CHCHD6: variants seen among roughly 807,000 people sequenced by gnomAD.
CHCHD6 encodes MICOS complex subunit MIC25.
Under a neutral mutation model 32.3 loss-of-function variants are expected in CHCHD6, and 28 were observed. The ratio of observed to expected loss-of-function variants is 0.87; its 90% CI spans 0.64 to 1.19. The LOEUF (loss-of-function observed/expected upper bound fraction) is 1.19, where lower values mean the gene tolerates loss of function less well. Among genes scored for constraint, CHCHD6 ranks in the 50% most tolerant of loss-of-function variants. The pLI, the probability that CHCHD6 is intolerant of heterozygous loss-of-function variation, is 0.00. For synonymous variants in CHCHD6, 122 were observed against 117.5 expected (o/e 1.04, Z -0.25); for missense variants, 333 against 307.0 (o/e 1.08, Z -0.63).
chr3:126,811,204 A>G (rs1473916865), intron 4 of CHCHD6, among the ~76,000 whole-genome samples: 2 of 152,192 alleles, frequency 1.3e-5, no homozygotes, highest in African/African-American at 4.8e-5. Context: ...ATTCCCATCA[A>G]GAGCTAACAA....
intron 4 of CHCHD6, among the ~76,000 whole-genome samples, chr3:126,756,088 C>T (rs1576377257): frequency 6.6e-6 from 1 of 152,124 alleles, no homozygotes; most frequent in Non-Finnish European, 1.5e-5. Flanking sequence ...TCTGTAGGTA[C>T]TGGTGCTAGA....
intron 5 of CHCHD6, among the ~76,000 whole-genome samples, chr3:126,885,444 A>G (rs2077666438): frequency 6.6e-6 from 1 of 152,188 alleles, no homozygotes; most frequent in African/African-American, 2.4e-5. Context: ...GTAGCTGCAC[A>G]CTGGCCTGCA....
chr3:126,830,820 G>A (rs9833429), intron 4 of CHCHD6, among the ~76,000 whole-genome samples: 1 of 152,210 alleles, frequency 6.6e-6, no homozygotes, highest in Non-Finnish European at 1.5e-5. Context: ...ACAGCATCCA[G>A]ATCCCTGACC....
At position 126,957,787 on chromosome 3, in the gene CHCHD6, G is replaced by T. The variant is rs1037899235; in HGVS notation, c.702+236G>T. 5.6e-5 allele frequency: 34 copies of T among 604,124 alleles called. No homozygotes were observed. The Admixed American group carries it at 8.8e-4, about 16-fold the overall frequency. 37.4% of individuals were successfully genotyped at this position (604,124 alleles called of 1,614,324 possible). A position where few individuals can be genotyped will look rare whatever the true frequency, so the allele number is the denominator to read the frequency against. On this transcript the variant is annotated intron_variant, in intron 7 of 7. Coordinates refer to ENST00000290913, the MANE Select transcript of CHCHD6 (RefSeq NM_032343.3). ...GCCCCAGGGAGATGATCCCTGTTGC[G>T]TTTGCCCTATTAGGCTGGGTGGGAG...
intron 5 of CHCHD6, among the ~76,000 whole-genome samples, chr3:126,883,120 A>T (rs1270579086): frequency 1.3e-5 from 2 of 152,194 alleles, no homozygotes; most frequent in African/African-American, 4.8e-5. Context: ...GAACACTTGG[A>T]GGTTCCTGGA....
intron 4 of CHCHD6, among the ~76,000 whole-genome samples, chr3:126,750,237 C>G (rs1936673868): frequency 6.6e-6 from 1 of 152,186 alleles, no homozygotes; most frequent in African/African-American, 2.4e-5. Context: ...TTCTGGGGAC[C>G]AAGCAGGGAA....
chr3:126,953,698 A>G (rs1283027401), intron 6 of CHCHD6, among the ~76,000 whole-genome samples: 1 of 152,238 alleles, frequency 6.6e-6, no homozygotes, highest in African/African-American at 2.4e-5. Flanking sequence ...ATGCCTGTGC[A>G]AACAGACACC....
At chr3:126,854,622 C>T (rs1238146848) in intron 5 of CHCHD6, among the ~76,000 whole-genome samples, 8 of 152,166 alleles carry the variant, frequency 5.3e-5, no homozygotes, top group Non-Finnish European at 8.8e-5. Context: ...GTTGAATACT[C>T]GCAGACCTTG....
chr3:126,939,332 C>T (rs1426211243), intron 6 of CHCHD6, among the ~76,000 whole-genome samples: 1 of 152,230 alleles, frequency 6.6e-6, no homozygotes, highest in South Asian at 2.1e-4. Context: ...GAAAATAGCT[C>T]TGGAAGTAGT....
chr3:126,740,594 C>G (rs1241048529), intron 4 of CHCHD6, among the ~76,000 whole-genome samples: 1 of 152,116 alleles, frequency 6.6e-6, no homozygotes, highest in African/African-American at 2.4e-5. Flanking sequence ...GCTAATCCTT[C>G]CATAGAATAT....
chr3:126,949,347 G>A (rs907904905), intron 6 of CHCHD6: 1 of 228,486 alleles, frequency 4.4e-6, no homozygotes, highest in African/African-American at 2.4e-5. Flanking sequence ...CGCCTGCCAT[G>A]GACGGAAGGG....
chr3:126,877,554 CA>C (rs148963842), intron 5 of CHCHD6, among the ~76,000 whole-genome samples: 107 of 129,914 alleles, frequency 8.2e-4, no homozygotes, highest in Admixed American at 8.5e-4. Flanking sequence ...GACTCCATCT[CA>C]AAAAAAAAAA....
intron 4 of CHCHD6, among the ~76,000 whole-genome samples, chr3:126,772,318 G>T (rs1457631299): frequency 6.6e-6 from 1 of 152,132 alleles, no homozygotes; most frequent in Non-Finnish European, 1.5e-5. Context: ...AGCCAGGATG[G>T]TCTTGATCTC....
intron 1 of CHCHD6, among the ~76,000 whole-genome samples, chr3:126,712,558 G>T (rs890298204): frequency 3.3e-5 from 5 of 152,192 alleles, no homozygotes; most frequent in African/African-American, 1.2e-4. Flanking sequence ...CTGGAAGGCA[G>T]CCTTGATCCT....
intron 6 of CHCHD6, among the ~76,000 whole-genome samples, chr3:126,933,691 C>G (rs746501258): frequency 4.6e-5 from 7 of 152,172 alleles, no homozygotes; most frequent in Non-Finnish European, 7.3e-5. Context: ...ACCCAGACAC[C>G]TCCCACCAGA....
chr3:126,769,579 C>T (rs1937507865), intron 4 of CHCHD6, among the ~76,000 whole-genome samples: 2 of 152,190 alleles, frequency 1.3e-5, no homozygotes, highest in African/African-American at 2.4e-5. Flanking sequence ...TCTTGGCTCA[C>T]TGCAACCTCT....
chr3:126,730,853 A>T (rs1266162266), intron 3 of CHCHD6, among the ~76,000 whole-genome samples: 1 of 152,152 alleles, frequency 6.6e-6, no homozygotes, highest in African/African-American at 2.4e-5. Context: ...AATGTTCCTC[A>T]TGCCCAGCAG....
chr3:126,835,046 T>G (rs1276436558), intron 4 of CHCHD6, among the ~76,000 whole-genome samples: 1 of 152,124 alleles, frequency 6.6e-6, no homozygotes, highest in Non-Finnish European at 1.5e-5. Context: ...CTAATATCCA[T>G]TCTCCAGAGA....
chr3:126,746,602 G>C (rs1017665585), intron 4 of CHCHD6, among the ~76,000 whole-genome samples: 3 of 152,146 alleles, frequency 2.0e-5, no homozygotes, highest in Admixed American at 6.5e-5. Flanking sequence ...TAGCTGACTG[G>C]TTGGACATGA....
Sources: allele counts gnomAD v4.1 joint callset (sites outside exome capture counted in the v4.1 genomes callset), GRCh38; gene constraint gnomAD v4.1.1; transcripts MANE v1.5; gene names NCBI Gene and HGNC (gene_info 2026-07-23, HGNC 2026-07-21).